TNNI3: variants seen among roughly 807,000 people sequenced by gnomAD.
TNNI3 encodes the protein troponin I3, cardiac type.
In TNNI3, 23 loss-of-function variants were observed where a neutral mutation model predicts 31.5. The ratio of observed to expected loss-of-function variants is 0.73; its 90% CI spans 0.52 to 1.03. The LOEUF (loss-of-function observed/expected upper bound fraction) is 1.03. Among genes scored for constraint, TNNI3 ranks in the 50% least tolerant of loss-of-function variants. TNNI3 has a pLI of 0.00. For synonymous variants in TNNI3, 120 were observed against 111.7 expected (o/e 1.07, Z -0.47); for missense variants, 236 against 282.9 (o/e 0.83, Z 1.19).
At position 55,156,781 on chromosome 19, in the gene TNNI3, G is replaced by A. The variant is rs1599911797; in HGVS notation, c.109-137C>T. The A allele has an allele frequency of 1.0e-6, 1 of 995,962 alleles. No individual in the cohort carries two copies. The highest frequency in any genetic ancestry group is 2.6e-5 in the East Asian group (1 of 38,272). 61.7% of individuals were successfully genotyped at this position (995,962 alleles called of 1,614,324 possible). On this transcript the variant is annotated intron_variant, in intron 3 of 7. Transcript: ENST00000344887. This position sits in a 1 kb window ranked among gnomAD's most constrained non-coding sequence, Gnocchi z 4.6. The stretch of plus-strand genomic sequence containing the variant: ...CGTCCAACTTGAGCCCTGAGTCTAC[G>A]GGAGGCCACGCCCCTCATTCCCATC...
rs1490353194 is a variant in TNNI3 at position 55,156,498 on chromosome 19, C to T, written c.150+105G>A. The T allele has an allele frequency of 2.6e-6, 4 of 1,522,034 alleles. No individual in the cohort carries two copies. The highest frequency in any genetic ancestry group is 2.0e-5 in the Admixed American group (1 of 50,910). The allele number at this position is 1,522,034 out of a possible 1,614,324, so 94.3% of individuals were successfully genotyped here. A position where few individuals can be genotyped will look rare whatever the true frequency, so the allele number is the denominator to read the frequency against. Reference sequence around the variant, plus strand: ...CCCGCTAAAGCCACGCCCCGAGCGGCCAAACCCCGCCCACTTCCGCCCACC... The same window carrying T: ...CCCGCTAAAGCCACGCCCCGAGCGGTCAAACCCCGCCCACTTCCGCCCACC... On this transcript the variant is annotated intron_variant, in intron 4 of 7. Transcript: ENST00000344887. This position sits in a 1 kb window ranked among gnomAD's most constrained non-coding sequence, Gnocchi z 4.6.
In TNNI3 at chr19:55,156,771, C is replaced by T. The variant is rs1041547434; in HGVS notation, c.109-127G>A. The T allele has an allele frequency of 1.8e-6, 2 of 1,124,778 alleles. No homozygotes were observed. The highest frequency in any genetic ancestry group is 1.3e-6 in the Non-Finnish European group (1 of 760,162). The allele number at this position is 1,124,778 out of a possible 1,614,324, so 69.7% of individuals were successfully genotyped here. The stretch of plus-strand genomic sequence containing the variant: ...TTTGGGCCCACGTCCAACTTGAGCC[C>T]TGAGTCTACGGGAGGCCACGCCCCT... On this transcript the variant is annotated intron_variant, in intron 3 of 7. Transcript: ENST00000344887. This position sits in a 1 kb window ranked among gnomAD's most constrained non-coding sequence, Gnocchi z 4.6.
chr19:55,153,902 T>G lies in TNNI3; in HGVS notation c.549+128A>C, dbSNP rs10414696. On this transcript the variant is annotated intron_variant, in intron 7 of 7. Transcript: ENST00000344887. ...TCTACTTCCTGTCTTCCTCTTGCATTTCTGAGGACCCCTTACTAGCTGCTT... is the reference window on the plus strand; with the variant it reads ...TCTACTTCCTGTCTTCCTCTTGCATGTCTGAGGACCCCTTACTAGCTGCTT... The G allele has an allele frequency of 7.1e-3, 7,304 of 1,021,706 alleles. 320 individuals are homozygous for G. The African/African-American group carries it at 0.1, about 14-fold the overall frequency. 63.3% of individuals were successfully genotyped at this position (1,021,706 alleles called of 1,614,324 possible).
intron 5 of TNNI3, among the ~76,000 whole-genome samples, chr19:55,155,712 C>A (rs2085724430): frequency 1.4e-5 from 1 of 73,888 alleles, no homozygotes; most frequent in South Asian, 5.9e-4. Flanking sequence ...GGAGGAGGGG[C>A]TGGGGCCTGG....
Position 55,154,216 on chromosome 19 carries a change from C to T in TNNI3, c.373-10G>A, listed in dbSNP as rs7252610. ...GAGTCAGATCTGCAATCTGGGGGCACACGAGGGGGTGGGTACTTCTCCTTC... is the reference window on the plus strand; with the variant it reads ...GAGTCAGATCTGCAATCTGGGGGCATACGAGGGGGTGGGTACTTCTCCTTC... On this transcript the variant is annotated splice_polypyrimidine_tract_variant and intron_variant, in intron 6 of 7. Transcript: ENST00000344887. 17 of 1,610,570 alleles carry T rather than the reference C, an allele frequency of 1.1e-5. No homozygotes were observed. Among genetic ancestry groups the T allele is most frequent in the Non-Finnish European group, 1.4e-5 (17 of 1,179,970 alleles).
In TNNI3 at chr19:55,152,188, C is replaced by T. The variant is rs2085699274; in HGVS notation, c.550-271G>A. 6.6e-6 allele frequency among the ~76,000 whole-genome samples: 1 copy of T among 152,050 alleles called. No individual in the cohort carries two copies. Among genetic ancestry groups the T allele is most frequent in the African/African-American group, 2.4e-5 (1 of 41,378 alleles). ...CATGTACTTTCTGTCTTTCCCCATC[C>T]ACTTCCTGTCTCCCTCATGCACTTC... On this transcript the variant is annotated intron_variant, in intron 7 of 7. Coordinates refer to ENST00000344887, the MANE Select transcript of TNNI3 (RefSeq NM_000363.5). This position sits in a 1 kb window ranked among gnomAD's most constrained non-coding sequence, Gnocchi z 4.0.
intron 7 of TNNI3, among the ~76,000 whole-genome samples, chr19:55,153,114 TAG>T (rs1568857595): frequency 6.6e-6 from 1 of 152,136 alleles, no homozygotes; most frequent in Admixed American, 6.5e-5. Context: ...GTATTTTTTA[TAG>T]AGACATGGTC....
chr19:55,154,312 G>A (rs766025507), intron 6 of TNNI3, 106 bp from the exon 7 acceptor site: 82 of 1,245,048 alleles, frequency 6.6e-5, no homozygotes, highest in Middle Eastern at 4.4e-4. Flanking sequence ...TTCCAGTACC[G>A]AGGCCTTACC....
In TNNI3 at chr19:55,151,779, G is replaced by A. The variant is rs1203484453; in HGVS notation, c.*55C>T. On this transcript the variant is annotated 3_prime_UTR_variant, in exon 8 of 8. Coordinates refer to ENST00000344887, the MANE Select transcript of TNNI3 (RefSeq NM_000363.5). The stretch of plus-strand genomic sequence containing the variant: ...GACATGGAGTCACTTTCAGCTCAGA[G>A]AGAAGCTTTATTCCTCAGGGCCCTC... 1.3e-6 allele frequency: 2 copies of A among 1,552,606 alleles called. No individual in the cohort carries two copies. The highest frequency in any genetic ancestry group is 1.7e-5 in the Admixed American group (1 of 59,824).
At position 55,157,261 on chromosome 19, in the gene TNNI3, GGGGTCCCAGCCACGC is replaced by G. The variant is rs765940283; in HGVS notation, c.24+20_24+34del. ...CACTGCAGCGCCCACCCTGGCCCTG[GGGGTCCCAGCCACGC>G]CTTAGCCCGCTGCTCTCACCGCATC... On this transcript the variant is annotated intron_variant, in intron 2 of 7. Coordinates refer to ENST00000344887, the MANE Select transcript of TNNI3 (RefSeq NM_000363.5). The surrounding 1 kb of genome is among the most constrained non-coding windows in gnomAD (Gnocchi z 6.3). 4 of 1,610,944 alleles carry G rather than the reference GGGGTCCCAGCCACGC, an allele frequency of 2.5e-6. No homozygotes were observed. The highest frequency in any genetic ancestry group is 3.4e-6 in the Non-Finnish European group (4 of 1,179,150).
chr19:55,154,939 G>T, intron 5 of TNNI3, 109 bp from the exon 6 acceptor site: 1 of 907,732 alleles, frequency 1.1e-6, no homozygotes, highest in Non-Finnish European at 1.8e-6. Context: ...GGGTCTGAGG[G>T]AGGAGAAGGG....
chr19:55,157,070 C>T lies in TNNI3; in HGVS notation c.88G>A (p.Ala30Thr), dbSNP rs796104366. The T allele has an allele frequency of 1.3e-6, 2 of 1,599,008 alleles. No homozygotes were observed. Among genetic ancestry groups the T allele is most frequent in the Non-Finnish European group, 1.7e-6 (2 of 1,175,104 alleles). Residue 30 changes from alanine to threonine, a missense_variant, in exon 3 of 8, where the codon GCC (alanine) becomes ACC (threonine). Ala to Thr is a moderately conservative substitution (Grantham distance 58). Transcript: ENST00000344887. The surrounding 1 kb of genome is among the most constrained non-coding windows in gnomAD (Gnocchi z 6.3). ...RRRSSNYRAY[A>T]TEPHAKKKSK... ...CCCACCTTGGCGTGCGGCTCCGTGG[C>T]ATAAGCGCGGTAGTTGGAGGAGCGG...
chr19:55,156,721 C>T lies in TNNI3; in HGVS notation c.109-77G>A. The T allele has an allele frequency of 6.7e-7, 1 of 1,482,760 alleles. No homozygotes were observed. The highest frequency in any genetic ancestry group is 1.2e-5 in the South Asian group (1 of 82,718). The allele number at this position is 1,482,760 out of a possible 1,614,324, so 91.9% of individuals were successfully genotyped here. On this transcript the variant is annotated intron_variant, in intron 3 of 7. Coordinates refer to ENST00000344887, the MANE Select transcript of TNNI3 (RefSeq NM_000363.5). The surrounding 1 kb of genome is among the most constrained non-coding windows in gnomAD (Gnocchi z 4.6). ...GACGGTGGAGGGGACCTCAAGACAC[C>T]CCCAGCAAACCCAGCCGGTCCAGAT...
At position 55,154,019 on chromosome 19, in the gene TNNI3, C is replaced by G; in HGVS notation, c.549+11G>C. The G allele has an allele frequency of 6.2e-7, 1 of 1,611,222 alleles. No individual in the cohort carries two copies. The highest frequency in any genetic ancestry group is 8.5e-7 in the Non-Finnish European group (1 of 1,179,968). ...TCAGCATCCTCTTTCCTGGCCTTAG[C>G]CCACACTCACCTTCTCGGTGTCCTC... On this transcript the variant is annotated intron_variant, in intron 7 of 7. Coordinates refer to ENST00000344887, the MANE Select transcript of TNNI3 (RefSeq NM_000363.5).
At chr19:55,154,632 G>T in intron 6 of TNNI3, 109 bp downstream of exon 6, 1 of 919,494 alleles carries the variant, frequency 1.1e-6, no homozygotes, top group Non-Finnish European at 1.8e-6. Flanking sequence ...CAGTTGTCCT[G>T]GGTCTCCTGG....
Position 55,157,016 on chromosome 19 carries a change from G to C in TNNI3, c.108+34C>G. 6.4e-7 allele frequency: 1 copy of C among 1,557,282 alleles called. No homozygotes were observed. The highest frequency in any genetic ancestry group is 8.7e-7 in the Non-Finnish European group (1 of 1,153,848). The stretch of plus-strand genomic sequence containing the variant: ...TCCCAGGGTCTTGGATCCCTCCGGC[G>C]CCTGTACTCTGCCCCCAGGAAGCCC... On this transcript the variant is annotated intron_variant, in intron 3 of 7. Coordinates refer to ENST00000344887, the MANE Select transcript of TNNI3 (RefSeq NM_000363.5). This position sits in a 1 kb window ranked among gnomAD's most constrained non-coding sequence, Gnocchi z 6.3.
chr19:55,156,167 G>T lies in TNNI3; in HGVS notation c.282+34C>A, dbSNP rs754732148. 58 of 1,612,474 alleles carry T rather than the reference G, an allele frequency of 3.6e-5. No individual in the cohort carries two copies. Among genetic ancestry groups the T allele is most frequent in the Non-Finnish European group, 4.7e-5 (55 of 1,179,728 alleles). On this transcript the variant is annotated intron_variant, in intron 5 of 7. Transcript: ENST00000344887. The surrounding 1 kb of genome is among the most constrained non-coding windows in gnomAD (Gnocchi z 4.6). ...ATAGAGGCTGTACTGCTGAATTCCG[G>T]GACTAGAAACCTCGCATCCTTGGGA... is the stretch of plus-strand genomic sequence containing the variant.
rs1488050611 is a variant in TNNI3 at position 55,156,505 on chromosome 19, C to A, written c.150+98G>T. 6 of 1,523,970 alleles carry A rather than the reference C, an allele frequency of 3.9e-6. No homozygotes were observed. The highest frequency in any genetic ancestry group is 2.8e-5 in the African/African-American group (2 of 72,348). The allele number at this position is 1,523,970 out of a possible 1,614,324, so 94.4% of individuals were successfully genotyped here. ...AAGCCACGCCCCGAGCGGCCAAACC[C>A]CGCCCACTTCCGCCCACCTACCCCG... On this transcript the variant is annotated intron_variant, in intron 4 of 7. Transcript: ENST00000344887. The surrounding 1 kb of genome is among the most constrained non-coding windows in gnomAD (Gnocchi z 4.6).
At position 55,156,466 on chromosome 19, in the gene TNNI3, A is replaced by G. The variant is rs1252049318; in HGVS notation, c.151-134T>C. The stretch of plus-strand genomic sequence containing the variant: ...TCCAAGGCCCCGTCCCACCCCGAGC[A>G]GTACTCCCCGCTAAAGCCACGCCCC... On this transcript the variant is annotated intron_variant, in intron 4 of 7. Transcript: ENST00000344887. This position sits in a 1 kb window ranked among gnomAD's most constrained non-coding sequence, Gnocchi z 4.6. 9 of 1,497,690 alleles carry G rather than the reference A, an allele frequency of 6.0e-6. No individual in the cohort carries two copies. Among genetic ancestry groups the G allele is most frequent in the Admixed American group, 2.0e-5 (1 of 50,634 alleles). 92.8% of individuals were successfully genotyped at this position (1,497,690 alleles called of 1,614,324 possible).
Sources: gnomAD v4.1 joint callset for allele counts (sites outside exome capture counted in the v4.1 genomes callset) on GRCh38, gnomAD v4.1.1 for gene constraint, Gnocchi (gnomAD v3.1) non-coding constraint, MANE v1.5 for transcripts, NCBI Gene and HGNC (gene_info 2026-07-23, HGNC 2026-07-21) for gene names.